The following ASB12 variants were observed in gnomAD, a reference collection of about 807,000 sequenced individuals.
ASB12 encodes ankyrin repeat and SOCS box containing 12.
ASB12 carries 17 observed loss-of-function variants against 13.7 expected under a neutral mutation model. The observed-to-expected ratio is 1.24, with a 90% CI of 0.85 to 1.86. The LOEUF (loss-of-function observed/expected upper bound fraction) is 1.86. Among genes scored for constraint, ASB12 ranks in the 40% most tolerant of loss-of-function variants. The pLI, the probability that ASB12 is intolerant of heterozygous loss-of-function variation, is 0.00. For synonymous variants in ASB12, 107 were observed against 99.8 expected (o/e 1.07, Z -0.43); for missense variants, 329 against 250.5 (o/e 1.31, Z -2.11).
intron 1 of ASB12, among the ~76,000 whole-genome samples, chrX:64,229,485 C>T (rs1038434383): frequency 6.2e-5 from 7 of 112,061 alleles, no homozygotes; most frequent in African/African-American, 1.9e-4. Context: ...GTTATGTGCA[C>T]GTAGCTCCTT....
At chrX:64,226,228 T>C (rs1177903479) in intron 1 of ASB12, among the ~76,000 whole-genome samples, 3 of 112,291 alleles carry the variant, frequency 2.7e-5, no homozygotes, top group African/African-American at 9.7e-5. Flanking sequence ...CTTGCTGACA[T>C]CAATCTTTTG....
At chrX:64,228,709 A>G (rs1191401697) in intron 1 of ASB12, among the ~76,000 whole-genome samples, 3 of 111,726 alleles carry the variant, frequency 2.7e-5, no homozygotes, top group Non-Finnish European at 5.6e-5. Flanking sequence ...CTAGAACCTC[A>G]GAGCTGCAAG....
At position 64,224,872 on chromosome X, in the gene ASB12, G is replaced by T. The variant is rs1930902535; in HGVS notation, c.779C>A (p.Thr260Asn). 8.3e-7 allele frequency: 1 copy of T among 1,198,150 alleles called. No individual in the cohort carries two copies. Among genetic ancestry groups the T allele is most frequent in the South Asian group, 1.8e-5 (1 of 54,501 alleles). The change falls in exon 2 of 3, where the codon ACC (threonine) becomes AAC (asparagine). Residue 260 changes from threonine to asparagine, a missense_variant. Physicochemically the swap from Thr to Asn is moderately conservative, Grantham distance 65 (BLOSUM62 0). Coordinates refer to ENST00000362002, the MANE Select transcript of ASB12 (RefSeq NM_130388.4). ...IYLPSLSLDLTSQDDKGIALL... is the reference protein window; with the variant it reads ...IYLPSLSLDLNSQDDKGIALL... Reference sequence around the variant, plus strand: ...TGCAATGCCTTTATCATCTTGTGAGGTCAGGTCAAGGGAGAGAGATGGAAG... The same window carrying T: ...TGCAATGCCTTTATCATCTTGTGAGTTCAGGTCAAGGGAGAGAGATGGAAG...
intron 1 of ASB12, among the ~76,000 whole-genome samples, chrX:64,227,700 T>C (rs1393416662): frequency 8.9e-6 from 1 of 112,083 alleles, no homozygotes; most frequent in African/African-American, 3.2e-5. Context: ...TCCAGGCATG[T>C]ATCCACTGAG....
Position 64,224,454 on chromosome X carries a change from G to C in ASB12, c.838C>G (p.Leu280Val), listed in dbSNP as rs1930887998. 8.3e-7 allele frequency: 1 copy of C among 1,210,489 alleles called. No homozygotes were observed. The highest frequency in any genetic ancestry group is 1.7e-5 in the African/African-American group (1 of 57,729). ...LLQARATPRS[L>V]LSQVRLVVRR... ...ACGACTAAACGGACCTGTGATAGAA[G>C]TGACCGTGGAGTGGCTACAGCAAGA... Residue 280 changes from leucine (L) to valine (V), a missense_variant, in exon 3 of 3, where the codon CTT becomes GTT. Coordinates refer to ENST00000362002, the MANE Select transcript of ASB12 (RefSeq NM_130388.4).
chrX:64,229,164 T>C (rs1931008280), intron 1 of ASB12, among the ~76,000 whole-genome samples: 1 of 111,980 alleles, frequency 8.9e-6, no homozygotes, highest in Non-Finnish European at 1.9e-5. Flanking sequence ...AAGGTTCCTT[T>C]ACAAATAATT....
chrX:64,229,292 A>T (rs1282555295), intron 1 of ASB12, among the ~76,000 whole-genome samples: 1 of 111,916 alleles, frequency 8.9e-6, no homozygotes, highest in African/African-American at 3.3e-5. Context: ...TAAGGTTCAT[A>T]CCAAGAGCCC....
chrX:64,224,429 A>G lies in ASB12; in HGVS notation c.863T>C (p.Val288Ala), dbSNP rs200654794. 3.1e-5 allele frequency: 37 copies of G among 1,208,402 alleles called. No individual in the cohort carries two copies. In the African/African-American group the frequency reaches 3.7e-4, roughly 12 times the overall value. Residue 288 changes from valine to alanine, a missense_variant, in exon 3 of 3, where the codon GTC becomes GCC. Transcript: ENST00000362002. ...GCCAGCCTGGCACAAGGCTCTGCGG[A>G]CGACTAAACGGACCTGTGATAGAAG... Reference protein sequence around the residue: ...RSLLSQVRLVVRRALCQAGQP... With the variant: ...RSLLSQVRLVARRALCQAGQP...
chrX:64,228,680 T>C (rs1297937640), intron 1 of ASB12, among the ~76,000 whole-genome samples: 1 of 111,954 alleles, frequency 8.9e-6, no homozygotes, highest in Non-Finnish European at 1.9e-5. Flanking sequence ...TCTAAGGCTA[T>C]TGCTCCCTAC....
At chrX:64,226,886 A>G in intron 1 of ASB12, 1 of 300,358 alleles carries the variant, frequency 3.3e-6, no homozygotes, top group Non-Finnish European at 4.4e-6. Flanking sequence ...TTAGTCTGGG[A>G]CCTCAGGTAC....
rs1041062156 is a variant in ASB12, at chrX:64,224,485, C to T, written c.824-17G>A. 5.0e-6 allele frequency: 6 copies of T among 1,202,042 alleles called. No homozygotes were observed. The African/African-American group carries it at 8.8e-5, about 18-fold the overall frequency. On this transcript the variant is annotated splice_polypyrimidine_tract_variant and intron_variant, in intron 2 of 2. Coordinates refer to ENST00000362002, the MANE Select transcript of ASB12 (RefSeq NM_130388.4). ...GTGGAGTGGCTACAGCAAGAAGAAACAGGTCATGAGGAGCAATTATCAGCA... is the reference window on the plus strand; with the variant it reads ...GTGGAGTGGCTACAGCAAGAAGAAATAGGTCATGAGGAGCAATTATCAGCA...
At chrX:64,228,651 G>A (rs1220944123) in intron 1 of ASB12, among the ~76,000 whole-genome samples, 2 of 112,034 alleles carry the variant, frequency 1.8e-5, no homozygotes, top group East Asian at 2.8e-4. Context: ...GATGATGATT[G>A]TTACTTATGT....
At chrX:64,225,881 A>G (rs1930940830) in intron 1 of ASB12, among the ~76,000 whole-genome samples, 1 of 112,046 alleles carries the variant, frequency 8.9e-6, no homozygotes. Flanking sequence ...GCCTTTGCAT[A>G]CACTCTTCTG....
At position 64,225,243 on chromosome X, in the gene ASB12, G is replaced by C; in HGVS notation, c.408C>G (p.Ile136Met). The change falls in exon 2 of 3, where the codon ATC (isoleucine) becomes ATG (methionine). Residue 136 changes from isoleucine (I) to methionine (M), a missense_variant. Coordinates refer to ENST00000362002, the MANE Select transcript of ASB12 (RefSeq NM_130388.4). ...TGAGCACGGGAGAACAGTTGTTGTA[G>C]ATGCTACCACCAGGAGAGGCACCAG... ...LEAGASPGGS[I>M]YNNCSPVLTA... The C allele has an allele frequency of 5.8e-6, 7 of 1,211,451 alleles. No individual in the cohort carries two copies. The highest frequency in any genetic ancestry group is 7.8e-6 in the Non-Finnish European group (7 of 895,381).
In ASB12 at chrX:64,225,189, G is replaced by T. The variant is rs267606495; in HGVS notation, c.462C>A (p.Ile154=). 2 of 1,211,664 alleles carry T rather than the reference G, an allele frequency of 1.7e-6. No individual in the cohort carries two copies. The highest frequency in any genetic ancestry group is 2.2e-6 in the Non-Finnish European group (2 of 895,472). Residue 154 remains isoleucine, a synonymous_variant, in exon 2 of 3, where the codon ATC becomes ATA. Transcript: ENST00000362002. Reference sequence around the variant, plus strand: ...CACCATGGTCTAGGAGCTCCTGCAGGATAGCAACAGCACCATCACGGGCAG... The same window carrying T: ...CACCATGGTCTAGGAGCTCCTGCAGTATAGCAACAGCACCATCACGGGCAG... The part of the protein sequence containing the change: ...LTAARDGAVA[I]LQELLDHGAE...
rs1173065293 is a variant in ASB12 at position 64,225,206 on chromosome X, C to T, written c.445G>A (p.Asp149Asn). 3 of 1,209,944 alleles carry T rather than the reference C, an allele frequency of 2.5e-6. No homozygotes were observed. The highest frequency in any genetic ancestry group is 3.5e-5 in the African/African-American group (2 of 57,144). ...NCSPVLTAAR[D>N]GAVAILQELL... ...TCCTGCAGGATAGCAACAGCACCAT[C>T]ACGGGCAGCTGTGAGCACGGGAGAA... The change falls in exon 2 of 3, where the codon GAT becomes AAT. Residue 149 changes from aspartate to asparagine, a missense_variant. By Grantham distance (23) the Asp-to-Asn change is conservative. Coordinates refer to ENST00000362002, the MANE Select transcript of ASB12 (RefSeq NM_130388.4).
intron 2 of ASB12, 68 bp from the exon 3 acceptor site, chrX:64,224,536 C>T: frequency 9.4e-7 from 1 of 1,064,780 alleles, no homozygotes; most frequent in Non-Finnish European, 1.3e-6. Context: ...AGCCTACATC[C>T]ACTCTCCACT....
intron 1 of ASB12, among the ~76,000 whole-genome samples, chrX:64,227,657 G>A (rs370751269): frequency 4.9e-4 from 54 of 111,138 alleles, no homozygotes; most frequent in Admixed American, 1.3e-3. Context: ...TATTTTAAGC[G>A]TCTCTATCCG....
chrX:64,228,823 T>C (rs1301268871), intron 1 of ASB12, among the ~76,000 whole-genome samples: 1 of 111,824 alleles, frequency 8.9e-6, no homozygotes, highest in Non-Finnish European at 1.9e-5. Flanking sequence ...TTGTTATTGT[T>C]AGTTGTCTCA....
Sources: allele counts gnomAD v4.1 joint callset (sites outside exome capture counted in the v4.1 genomes callset), GRCh38; gene constraint gnomAD v4.1.1; transcripts MANE v1.5; gene names NCBI Gene and HGNC (gene_info 2026-07-23, HGNC 2026-07-21).